The following RBM19 variants were observed in gnomAD, a reference collection of about 807,000 sequenced individuals.
RBM19 encodes the protein probable RNA-binding protein 19.
In RBM19, 94 loss-of-function variants were observed where a neutral mutation model predicts 116.8. The ratio of observed to expected loss-of-function variants is 0.80; its 90% CI spans 0.68 to 0.95. The LOEUF is 0.95. Ranked by LOEUF, RBM19 falls within the 40% of genes least tolerant of loss-of-function variation. The pLI, the probability that RBM19 is intolerant of heterozygous loss-of-function variation, is 0.00. For missense variants in RBM19, 1,161 were observed against 1,220.7 expected (o/e 0.95, Z 0.73); for synonymous variants, 475 against 494.1 (o/e 0.96, Z 0.51).
At chr12:113,908,468 T>A (rs568186888) in intron 21 of RBM19, among the ~76,000 whole-genome samples, 4 of 149,704 alleles carry the variant, frequency 2.7e-5, no homozygotes, top group African/African-American at 9.8e-5. Flanking sequence ...AGGTGTGGGG[T>A]GGACAGGAGA....
At chr12:113,835,707 G>T (rs542096717) in intron 23 of RBM19, among the ~76,000 whole-genome samples, 4 of 152,168 alleles carry the variant, frequency 2.6e-5, no homozygotes, top group African/African-American at 4.8e-5. Context: ...TAGATCTCCC[G>T]CCCCAGCCCA....
chr12:113,818,388 G>A (rs1281000458), downstream of RBM19, among the ~76,000 whole-genome samples: 5 of 152,132 alleles, frequency 3.3e-5, no homozygotes, highest in Non-Finnish European at 7.4e-5. Flanking sequence ...GCCTACTGGG[G>A]CCAGTGGGCA....
chr12:113,946,286 AG>A, intron 12 of RBM19, 67 bp downstream of exon 12: 1 of 1,609,014 alleles, frequency 6.2e-7, no homozygotes, highest in Non-Finnish European at 8.5e-7. Flanking sequence ...CAGGTGGCTT[AG>A]AAAGGGCAGG....
chr12:113,890,443 C>T (rs973210597), intron 21 of RBM19, among the ~76,000 whole-genome samples: 2 of 152,186 alleles, frequency 1.3e-5, no homozygotes, highest in Non-Finnish European at 2.9e-5. Flanking sequence ...GCCGCTTGCA[C>T]CTTGCTGACA....
At chr12:113,950,300 C>A in intron 8 of RBM19, 146 bp from the exon 9 acceptor site, 1 of 650,490 alleles carries the variant, frequency 1.5e-6, no homozygotes, top group Non-Finnish European at 2.6e-6. Context: ...CAAAGGGTCT[C>A]CCTCTCTCTG....
intron 21 of RBM19, among the ~76,000 whole-genome samples, chr12:113,894,266 G>T (rs998417787): frequency 6.6e-6 from 1 of 152,216 alleles, no homozygotes; most frequent in Non-Finnish European, 1.5e-5. Context: ...CAACAGGGCA[G>T]TATGTGTGCA....
At chr12:113,874,688 A>G (rs1308721679) in intron 21 of RBM19, among the ~76,000 whole-genome samples, 2 of 152,222 alleles carry the variant, frequency 1.3e-5, no homozygotes, top group African/African-American at 4.8e-5. Flanking sequence ...AAAGAGGCTG[A>G]GGAGATGATG....
intron 22 of RBM19, among the ~76,000 whole-genome samples, chr12:113,853,558 C>G (rs574098131): frequency 3.3e-5 from 5 of 152,216 alleles, no homozygotes; most frequent in Non-Finnish European, 7.3e-5. Context: ...TCTTTGTGGT[C>G]TTCCCCTTCC....
chr12:113,927,606 A>C (rs563330916), intron 16 of RBM19, among the ~76,000 whole-genome samples: 304 of 82,760 alleles, frequency 3.7e-3, no homozygotes, highest in African/African-American at 0.017. Context: ...AAAAAAAAAC[A>C]AAAAAAAAAA....
chr12:113,823,338 G>A lies in RBM19; in HGVS notation c.2786-17C>T. On this transcript the variant is annotated splice_polypyrimidine_tract_variant and intron_variant, in intron 23 of 23. Transcript: ENST00000261741. ...TCGGGGGCTCTGTGGGAGCCCAGAT[G>A]GCAAGAGAGGAGAAAAGAACAGCCG... 2.5e-6 allele frequency: 4 copies of A among 1,608,174 alleles called. No individual in the cohort carries two copies. In the Middle Eastern group the frequency reaches 6.6e-4, roughly 266 times the overall value.
intron 23 of RBM19, among the ~76,000 whole-genome samples, chr12:113,841,422 CTTTTTTT>C (rs71089416): frequency 5.4e-5 from 7 of 130,022 alleles, no homozygotes; most frequent in Admixed American, 1.6e-4. Context: ...TTTTTCTTTT[CTTTTTTT>C]TTTTTTTTTT....
intron 22 of RBM19, among the ~76,000 whole-genome samples, chr12:113,845,810 G>A (rs894392398): frequency 1.3e-5 from 2 of 152,198 alleles, no homozygotes; most frequent in Admixed American, 6.5e-5. Flanking sequence ...GAGAGGCCGT[G>A]AGCTTAGTGG....
At chr12:113,952,429 A>G (rs2135930044) in intron 8 of RBM19, 83 bp downstream of exon 8, 1 of 1,322,160 alleles carries the variant, frequency 7.6e-7, no homozygotes, top group Middle Eastern at 1.9e-4. Flanking sequence ...GGTGCCCTTA[A>G]AACTTCTTCC....
intron 13 of RBM19, among the ~76,000 whole-genome samples, chr12:113,945,074 T>G (rs1025585705): frequency 3.3e-5 from 5 of 152,204 alleles, no homozygotes; most frequent in African/African-American, 1.2e-4. Flanking sequence ...CATTGGAGAT[T>G]TCTGCTTCTA....
Position 113,942,490 on chromosome 12 carries a change from C to A in RBM19, c.1627-56G>T, listed in dbSNP as rs978438057. The A allele has an allele frequency of 5.6e-6, 8 of 1,430,842 alleles. No homozygotes were observed. The South Asian group carries it at 9.9e-5, about 18-fold the overall frequency. 88.6% of individuals were successfully genotyped at this position (1,430,842 alleles called of 1,614,324 possible). On this transcript the variant is annotated intron_variant, in intron 13 of 23. Transcript: ENST00000261741. Reference sequence around the variant, plus strand: ...GGCTGTCGGCCAGGTGACTTGCTGGCCCTCCCATCTCCCAACAGCCTGAAG... The same window carrying A: ...GGCTGTCGGCCAGGTGACTTGCTGGACCTCCCATCTCCCAACAGCCTGAAG...
chr12:113,924,402 A>G (rs11066815), intron 18 of RBM19, among the ~76,000 whole-genome samples: 41,708 of 152,072 alleles, frequency 0.27, 5,946 homozygotes, highest in Middle Eastern at 0.41. Flanking sequence ...GGTCCTCACT[A>G]TCTGCCCACA....
At chr12:113,965,957 T>A (rs1049135860) in intron 1 of RBM19, among the ~76,000 whole-genome samples, 6 of 150,954 alleles carry the variant, frequency 4.0e-5, no homozygotes, top group Admixed American at 4.0e-4. Context: ...CGAGAAGAGG[T>A]GTGTTAGGAG....
At chr12:113,948,448 T>C (rs757024211) in intron 10 of RBM19, among the ~76,000 whole-genome samples, 9 of 152,206 alleles carry the variant, frequency 5.9e-5, no homozygotes, top group Admixed American at 1.3e-4. Context: ...AGGAACGCCG[T>C]GTAGGTATAT....
rs779072438 is a variant in RBM19, at chr12:113,898,910, G to C, written c.2558+16059C>G. ...AGTTTAAATTTTGTTTGTATTTAACGTGAAATTGTGTTTTGGTTTTATAGT... is the reference window on the plus strand; with the variant it reads ...AGTTTAAATTTTGTTTGTATTTAACCTGAAATTGTGTTTTGGTTTTATAGT... On this transcript the variant is annotated intron_variant, in intron 21 of 23. Transcript: ENST00000261741. This position sits in a 1 kb window ranked among gnomAD's most constrained non-coding sequence, Gnocchi z 4.3. 1.3e-5 allele frequency among the ~76,000 whole-genome samples: 2 copies of C among 152,170 alleles called. No individual in the cohort carries two copies. Among genetic ancestry groups the C allele is most frequent in the African/African-American group, 2.4e-5 (1 of 41,428 alleles).
Sources: gnomAD v4.1 joint callset for allele counts (sites outside exome capture counted in the v4.1 genomes callset) on GRCh38, gnomAD v4.1.1 for gene constraint, Gnocchi (gnomAD v3.1) non-coding constraint, MANE v1.5 for transcripts, NCBI Gene and HGNC (gene_info 2026-07-23, HGNC 2026-07-21) for gene names.